The following RNF216 variants were observed in gnomAD, a reference collection of about 807,000 sequenced individuals.
RNF216 encodes ring finger protein 216, also known as E3 ubiquitin-protein ligase RNF216.
RNF216 carries 72 observed loss-of-function variants against 110.8 expected under a neutral mutation model. That is an observed-to-expected ratio of 0.65 (90% CI 0.54 to 0.79). The LOEUF is 0.79. Ranked by LOEUF, RNF216 falls within the 30% of genes least tolerant of loss-of-function variation. The probability of loss-of-function intolerance (pLI) is 0.00; values close to 1 mark genes in which losing one functional copy is unlikely to be tolerated. For missense variants in RNF216, 1,342 were observed against 1,141.2 expected, an observed-to-expected ratio of 1.18 and a Z score of -2.54; for synonymous variants, 495 against 407.5, an observed-to-expected ratio of 1.21 and a Z score of -2.59.
At chr7:5,683,123 G>A (rs1384742786) in intron 13 of RNF216, among the ~76,000 whole-genome samples, 1 of 151,954 alleles carries the variant, frequency 6.6e-6, no homozygotes, top group Non-Finnish European at 1.5e-5. Flanking sequence ...ATAATTATAT[G>A]GTAAAAACAA....
At chr7:5,763,272 T>C (rs1031098782) in intron 1 of RNF216, among the ~76,000 whole-genome samples, 1 of 152,136 alleles carries the variant, frequency 6.6e-6, no homozygotes, top group Non-Finnish European at 1.5e-5. Context: ...GTATATGCAT[T>C]TGTCAAAACT....
At chr7:5,736,171 G>A (rs111353406) in intron 5 of RNF216, among the ~76,000 whole-genome samples, 6,133 of 152,240 alleles carry the variant, frequency 0.04, 188 homozygotes, top group East Asian at 0.073. Flanking sequence ...ATGCCCAGCC[G>A]AAGCTGGACT....
intron 11 of RNF216, among the ~76,000 whole-genome samples, chr7:5,714,658 T>C (rs540695364): frequency 2.0e-5 from 3 of 152,358 alleles, no homozygotes; most frequent in African/African-American, 4.8e-5. Flanking sequence ...ACTGTGTTTG[T>C]TATGCTGGTG....
intron 2 of RNF216, among the ~76,000 whole-genome samples, chr7:5,756,597 G>A (rs139067537): frequency 0.016 from 2,465 of 152,224 alleles, 29 homozygotes; most frequent in Non-Finnish European, 0.023. Flanking sequence ...GTTTCCCCAT[G>A]TTGGCTAGGC....
intron 1 of RNF216, among the ~76,000 whole-genome samples, chr7:5,778,817 C>A (rs867196659): frequency 1.3e-5 from 2 of 152,234 alleles, no homozygotes; most frequent in African/African-American, 4.8e-5. Flanking sequence ...AATCTCGGAT[C>A]ACTGCAACCT....
intron 13 of RNF216, among the ~76,000 whole-genome samples, chr7:5,654,854 G>A (rs941158828): frequency 6.6e-6 from 1 of 151,820 alleles, no homozygotes; most frequent in Non-Finnish European, 1.5e-5. Flanking sequence ...ATATATATTA[G>A]GGTGCCTAAC....
chr7:5,714,180 C>T (rs141709754), intron 11 of RNF216, among the ~76,000 whole-genome samples: 99 of 152,258 alleles, frequency 6.5e-4, no homozygotes, highest in African/African-American at 2.2e-3. Flanking sequence ...CCAGGCTAGT[C>T]TCGAACTCCT....
rs1406572438 is a variant in RNF216, at chr7:5,709,042, CGA to C, written c.2061+2717_2061+2718del. ...AGTGCTTCATCGAGTGAGACAGGAA[CGA>C]GAGTCTTGGGCAGACTCCAGAAAAC... is the stretch of plus-strand genomic sequence containing the variant. On this transcript the variant is annotated intron_variant, in intron 13 of 16. Coordinates refer to ENST00000389902, the MANE Select transcript of RNF216 (RefSeq NM_207111.4). Among the ~76,000 whole-genome samples, 7 of 152,250 alleles carry C rather than the reference CGA, an allele frequency of 4.6e-5. No individual in the cohort carries two copies. The South Asian group carries it at 1.5e-3, about 32-fold the overall frequency.
intron 8 of RNF216, 117 bp downstream of exon 8, chr7:5,725,207 G>A: frequency 1.6e-6 from 1 of 618,044 alleles, no homozygotes; most frequent in Non-Finnish European, 2.9e-6. Context: ...GTCACTCCTT[G>A]GACTGGCCTG....
At chr7:5,693,362 C>T (rs1238122390) in intron 13 of RNF216, among the ~76,000 whole-genome samples, 1 of 152,186 alleles carries the variant, frequency 6.6e-6, no homozygotes, top group African/African-American at 2.4e-5. Flanking sequence ...CAGAAAAAGT[C>T]TGCTGAACCT....
chr7:5,623,135 C>A lies in RNF216; in HGVS notation c.2497G>T (p.Glu833Ter). Residue 833 changes from glutamate to a stop codon, truncating the protein, a stop_gained, in exon 17 of 17, where the codon GAG becomes TAG. Coordinates refer to ENST00000389902, the MANE Select transcript of RNF216 (RefSeq NM_207111.4). LOFTEE classifies it high-confidence loss of function. ...AGGGCCTCCACCCTCTGCACCTTCT[C>A]CACAGGCTTCTCCAGCGGGGGTCCA... is the stretch of plus-strand genomic sequence containing the variant. ...RIGPPLEKPV[E>*]KVQRVEALPR... 6.3e-7 allele frequency: 1 copy of A among 1,592,302 alleles called. No homozygotes were observed. The highest frequency in any genetic ancestry group is 8.6e-7 in the Non-Finnish European group (1 of 1,164,222).
intron 8 of RNF216, among the ~76,000 whole-genome samples, chr7:5,724,351 A>G (rs897105687): frequency 2.0e-5 from 3 of 152,226 alleles, no homozygotes; most frequent in African/African-American, 7.2e-5. Flanking sequence ...AGAACTGTCT[A>G]AAAGACAGAG....
At chr7:5,659,351 C>T (rs909736815) in intron 13 of RNF216, among the ~76,000 whole-genome samples, 2 of 152,104 alleles carry the variant, frequency 1.3e-5, no homozygotes, top group Admixed American at 6.6e-5. Context: ...TCAGAGGATG[C>T]GACATTTAAG....
In RNF216 at chr7:5,621,910, A is replaced by G. The variant is rs1464546803; in HGVS notation, c.*950T>C. The stretch of plus-strand genomic sequence containing the variant: ...TGGGGGATACTGGACAGCACCCTCT[A>G]CCTGCCTTCAGCAACCACTGAGAAC... On this transcript the variant is annotated 3_prime_UTR_variant, in exon 17 of 17. Coordinates refer to ENST00000389902, the MANE Select transcript of RNF216 (RefSeq NM_207111.4). 1 of 152,416 alleles carries G rather than the reference A, an allele frequency of 6.6e-6. No individual in the cohort carries two copies. Among genetic ancestry groups the G allele is most frequent in the African/African-American group, 2.4e-5 (1 of 41,390 alleles). 9.4% of individuals were successfully genotyped at this position (152,416 alleles called of 1,614,324 possible).
intron 3 of RNF216, among the ~76,000 whole-genome samples, chr7:5,746,592 T>A (rs1778340811): frequency 6.6e-6 from 1 of 152,154 alleles, no homozygotes; most frequent in African/African-American, 2.4e-5. Flanking sequence ...AGATGGAAAC[T>A]GCAAAGTGAT....
chr7:5,685,510 G>C (rs537790645), intron 13 of RNF216, among the ~76,000 whole-genome samples: 10 of 152,318 alleles, frequency 6.6e-5, no homozygotes, highest in African/African-American at 2.4e-4. Context: ...TTACAACTTT[G>C]AAAACAGCAA....
At position 5,621,010 on chromosome 7, in the gene RNF216, T is replaced by TA. The variant is rs1283397790; in HGVS notation, c.*1849dup. 12 of 152,190 alleles carry TA rather than the reference T, an allele frequency of 7.9e-5. No individual in the cohort carries two copies. In the East Asian group the frequency reaches 2.3e-3, roughly 29 times the overall value. 9.4% of individuals were successfully genotyped at this position (152,190 alleles called of 1,614,324 possible). ...TCCAAGGCACTGTCGTTCAGGCTAG[T>TA]AGCAAAGTTCAGGCAGTCCAACAGG... On this transcript the variant is annotated 3_prime_UTR_variant, in exon 17 of 17. Coordinates refer to ENST00000389902, the MANE Select transcript of RNF216 (RefSeq NM_207111.4).
chr7:5,664,336 G>A (rs1320372913), intron 13 of RNF216, among the ~76,000 whole-genome samples: 1 of 152,122 alleles, frequency 6.6e-6, no homozygotes, highest in Non-Finnish European at 1.5e-5. Flanking sequence ...ATGAGTTACT[G>A]TCCTTCCTTT....
chr7:5,689,450 C>T (rs1791191684), intron 13 of RNF216, among the ~76,000 whole-genome samples: 1 of 151,262 alleles, frequency 6.6e-6, no homozygotes, highest in Admixed American at 6.6e-5. Flanking sequence ...ACCCACATCC[C>T]TTCTGTTGTC....
Sources: gnomAD v4.1 joint callset for allele counts (sites outside exome capture counted in the v4.1 genomes callset) on GRCh38, gnomAD v4.1.1 for gene constraint, MANE v1.5 for transcripts, NCBI Gene and HGNC (gene_info 2026-07-23, HGNC 2026-07-21) for gene names.